Variants in NR6A1 observed in about 807,000 individuals in gnomAD.
NR6A1 encodes the protein nuclear receptor subfamily 6 group A member 1, also known as retinoic acid receptor-related testis-associated receptor.
Under a neutral mutation model 59.1 loss-of-function variants are expected in NR6A1, and 7 were observed. That is an observed-to-expected ratio of 0.12 (90% CI 0.07 to 0.22). NR6A1 has a LOEUF of 0.22. Ranked by LOEUF, NR6A1 falls within the 10% of genes least tolerant of loss-of-function variation. The pLI, the probability that NR6A1 is intolerant of heterozygous loss-of-function variation, is 1.00. For missense variants in NR6A1, 468 were observed against 611.6 expected (o/e 0.77, Z 2.48); for synonymous variants, 243 against 236.1 (o/e 1.03, Z -0.27).
intron 2 of NR6A1, among the ~76,000 whole-genome samples, chr9:124,629,785 T>C (rs1351445457): frequency 3.9e-5 from 6 of 152,326 alleles, no homozygotes; most frequent in Admixed American, 3.9e-4. Flanking sequence ...TCATTTCAGT[T>C]TGAAGAACAA....
At chr9:124,614,067 C>A (rs1835827327) in intron 2 of NR6A1, among the ~76,000 whole-genome samples, 1 of 152,092 alleles carries the variant, frequency 6.6e-6, no homozygotes, top group African/African-American at 2.4e-5. Flanking sequence ...GAGTTTCCAG[C>A]CTAGAGCACA....
chr9:124,558,035 G>A (rs1833978981), intron 2 of NR6A1, among the ~76,000 whole-genome samples: 1 of 152,118 alleles, frequency 6.6e-6, no homozygotes, highest in Admixed American at 6.5e-5. Context: ...TTTTGTAAAT[G>A]ATTAAGTGGA....
chr9:124,628,322 C>G (rs1836312056), intron 2 of NR6A1, among the ~76,000 whole-genome samples: 1 of 152,180 alleles, frequency 6.6e-6, no homozygotes, highest in African/African-American at 2.4e-5. Context: ...GCCACCGCAC[C>G]TGGCCTGCCT....
intron 2 of NR6A1, among the ~76,000 whole-genome samples, chr9:124,654,910 A>ACACACACG (rs1172609975): frequency 6.7e-6 from 1 of 149,744 alleles, no homozygotes. Context: ...ACACACACAC[A>ACACACACG]CACCTGCCAA....
rs536425543 is a variant in NR6A1 at position 124,580,776 on chromosome 9, C to T, written c.143-26206G>A. ...CAGAGGTTGTTGTGAGCCAAGATCGCGCCACTGTACTCTAGCCTGGGCAAC... is the reference window on the plus strand; with the variant it reads ...CAGAGGTTGTTGTGAGCCAAGATCGTGCCACTGTACTCTAGCCTGGGCAAC... On this transcript the variant is annotated intron_variant, in intron 2 of 9. Transcript: ENST00000487099. Among the ~76,000 whole-genome samples, 8 of 152,060 alleles carry T rather than the reference C, an allele frequency of 5.3e-5. No individual in the cohort carries two copies. In the South Asian group the frequency reaches 6.2e-4, roughly 12 times the overall value.
intron 2 of NR6A1, among the ~76,000 whole-genome samples, chr9:124,610,542 G>A (rs1835708603): frequency 6.6e-6 from 1 of 152,150 alleles, no homozygotes; most frequent in Non-Finnish European, 1.5e-5. Flanking sequence ...GTTCATCAGG[G>A]ATACTGGCCT....
Position 124,521,506 on chromosome 9 carries a change from G to A in NR6A1, c.*1199C>T, listed in dbSNP as rs1832801167. The A allele has an allele frequency of 6.6e-6, 1 of 152,420 alleles. No individual in the cohort carries two copies. Among genetic ancestry groups the A allele is most frequent in the Non-Finnish European group, 1.5e-5 (1 of 68,186 alleles). 9.4% of individuals were successfully genotyped at this position (152,420 alleles called of 1,614,324 possible). On this transcript the variant is annotated 3_prime_UTR_variant, in exon 10 of 10. Coordinates refer to ENST00000487099, the MANE Select transcript of NR6A1 (RefSeq NM_033334.4). ...ACTGGTCTCACTCTGGAGAGAAAAG[G>A]AGAACTTGGAGAAGAACTTAGGGGC...
chr9:124,696,225 G>T (rs938977563), intron 2 of NR6A1, among the ~76,000 whole-genome samples: 1 of 152,154 alleles, frequency 6.6e-6, no homozygotes, highest in Admixed American at 6.5e-5. Flanking sequence ...GACAATGAAA[G>T]CAAGACTGGG....
At position 124,526,878 on chromosome 9, in the gene NR6A1, C is replaced by T; in HGVS notation, c.1102G>A (p.Val368Met). 1.2e-6 allele frequency: 2 copies of T among 1,614,074 alleles called. No homozygotes were observed. The highest frequency in any genetic ancestry group is 1.7e-6 in the Non-Finnish European group (2 of 1,179,930). Residue 368 changes from valine (V) to methionine (M), a missense_variant, in exon 8 of 10, where the codon GTG becomes ATG. Coordinates refer to ENST00000487099, the MANE Select transcript of NR6A1 (RefSeq NM_033334.4). Reference sequence around the variant, plus strand: ...TAGAGGTAGATGAGCCGCTCGATCACCTCCATCCCTTCATCACTAAATCTG... The same window carrying T: ...TAGAGGTAGATGAGCCGCTCGATCATCTCCATCCCTTCATCACTAAATCTG... Reference protein sequence around the residue: ...LHRFSDEGMEVIERLIYLYHK... With the variant: ...LHRFSDEGMEMIERLIYLYHK...
chr9:124,525,650 C>A (rs73577941), intron 8 of NR6A1, among the ~76,000 whole-genome samples: 1 of 151,596 alleles, frequency 6.6e-6, no homozygotes, highest in South Asian at 2.1e-4. Flanking sequence ...AGCCACTGTG[C>A]CTGGCCCCTC....
chr9:124,601,604 G>GA (rs1564197302), intron 2 of NR6A1, among the ~76,000 whole-genome samples: 1 of 133,610 alleles, frequency 7.5e-6, no homozygotes, highest in Non-Finnish European at 1.6e-5. Flanking sequence ...AAAAAAGAAA[G>GA]AAAAAAGAAA....
intron 2 of NR6A1, among the ~76,000 whole-genome samples, chr9:124,566,536 C>A (rs150128800): frequency 1.3e-5 from 2 of 152,128 alleles, no homozygotes; most frequent in African/African-American, 4.8e-5. Flanking sequence ...AGACATCTTA[C>A]GGAGGAATGG....
intron 1 of NR6A1, among the ~76,000 whole-genome samples, chr9:124,764,268 T>C (rs1233253193): frequency 2.0e-5 from 3 of 152,184 alleles, no homozygotes; most frequent in African/African-American, 4.8e-5. Context: ...TGCGGTAGAT[T>C]TGTTACTAAA....
chr9:124,679,867 A>C (rs1046621961), intron 2 of NR6A1, among the ~76,000 whole-genome samples: 3 of 151,706 alleles, frequency 2.0e-5, no homozygotes, highest in Non-Finnish European at 4.4e-5. Context: ...ACTGCACTCC[A>C]GCCTGGACAA....
At chr9:124,598,819 TTC>T in intron 2 of NR6A1, 1 of 801,598 alleles carries the variant, frequency 1.2e-6, no homozygotes. Context: ...ATCTTTTCTT[TTC>T]TCTCTCTCCA....
At chr9:124,708,612 T>C (rs959096787) in intron 2 of NR6A1, among the ~76,000 whole-genome samples, 2 of 152,180 alleles carry the variant, frequency 1.3e-5, no homozygotes, top group African/African-American at 2.4e-5. Flanking sequence ...TCATTTTCAG[T>C]TCCAGAAAGC....
chr9:124,727,011 A>G (rs1235826961), intron 2 of NR6A1, among the ~76,000 whole-genome samples: 5 of 152,352 alleles, frequency 3.3e-5, no homozygotes, highest in African/African-American at 1.2e-4. Context: ...AGCTCTTTTG[A>G]TATGTAAGTT....
At chr9:124,748,184 T>C (rs1840388163) in intron 1 of NR6A1, among the ~76,000 whole-genome samples, 3 of 152,198 alleles carry the variant, frequency 2.0e-5, no homozygotes, top group Admixed American at 2.0e-4. Context: ...TCAGTATTAA[T>C]AAGCCATTTG....
At chr9:124,701,549 C>G (rs1349958821) in intron 2 of NR6A1, among the ~76,000 whole-genome samples, 1 of 152,206 alleles carries the variant, frequency 6.6e-6, no homozygotes, top group Non-Finnish European at 1.5e-5. Context: ...ACAATAACTA[C>G]TTATCCTCCA....
Sources: allele counts gnomAD v4.1 joint callset (sites outside exome capture counted in the v4.1 genomes callset), GRCh38; gene constraint gnomAD v4.1.1; transcripts MANE v1.5; gene names NCBI Gene and HGNC (gene_info 2026-07-23, HGNC 2026-07-21).